The following RSRC1 variants were observed in gnomAD, a reference collection of about 807,000 sequenced individuals.
The protein encoded by RSRC1 is arginine and serine rich coiled-coil 1.
RSRC1 carries 39 observed loss-of-function variants against 49.1 expected under a neutral mutation model. The observed-to-expected ratio is 0.79, with a 90% CI of 0.61 to 1.04. The LOEUF (loss-of-function observed/expected upper bound fraction) is 1.04, where lower values mean the gene tolerates loss of function less well. Ranked by LOEUF, RSRC1 falls within the 50% of genes least tolerant of loss-of-function variation. The pLI is 0.00. For synonymous variants in RSRC1, 143 were observed against 130.8 expected (o/e 1.09, Z -0.63); for missense variants, 388 against 402.4 (o/e 0.96, Z 0.31).
chr3:158,259,975 GT>G (rs1449221205), intron 4 of RSRC1, among the ~76,000 whole-genome samples: 1 of 151,886 alleles, frequency 6.6e-6, no homozygotes, highest in Non-Finnish European at 1.5e-5. Flanking sequence ...CTTCAGGTAA[GT>G]TGGGTCCCCT....
At chr3:158,175,502 C>T (rs1719152256) in intron 3 of RSRC1, among the ~76,000 whole-genome samples, 1 of 151,664 alleles carries the variant, frequency 6.6e-6, no homozygotes, top group African/African-American at 2.4e-5. Flanking sequence ...TGATGTTCAT[C>T]CAGTTGACCC....
intron 6 of RSRC1, among the ~76,000 whole-genome samples, chr3:158,413,782 G>A (rs1734596935): frequency 6.6e-6 from 1 of 152,098 alleles, no homozygotes; most frequent in Admixed American, 6.5e-5. Flanking sequence ...AAACCACAAT[G>A]AGATACCATC....
At chr3:158,517,755 A>AT (rs766129663) in intron 7 of RSRC1, among the ~76,000 whole-genome samples, 1,075 of 35,054 alleles carry the variant, frequency 0.031, 198 homozygotes, top group Non-Finnish European at 0.042. Flanking sequence ...CACCCAGCTA[A>AT]TTTTTTTTTT....
chr3:158,274,962 C>G (rs7621674), intron 4 of RSRC1, among the ~76,000 whole-genome samples: 4 of 151,840 alleles, frequency 2.6e-5, no homozygotes, highest in African/African-American at 9.7e-5. Context: ...GTCAACTACT[C>G]CCCACCCCCC....
chr3:158,529,204 A>ATGTGTG (rs930396695), intron 7 of RSRC1, among the ~76,000 whole-genome samples: 2 of 133,768 alleles, frequency 1.5e-5, no homozygotes, highest in Non-Finnish European at 3.2e-5. Context: ...GTATATATGT[A>ATGTGTG]TGTGTGTGTG....
At chr3:158,473,437 C>T (rs1390372151) in intron 7 of RSRC1, among the ~76,000 whole-genome samples, 1 of 152,058 alleles carries the variant, frequency 6.6e-6, no homozygotes, top group Non-Finnish European at 1.5e-5. Flanking sequence ...ACTGCATGTT[C>T]TTACTCATAG....
At chr3:158,126,069 A>G (rs915986397) in intron 3 of RSRC1, among the ~76,000 whole-genome samples, 2 of 151,828 alleles carry the variant, frequency 1.3e-5, no homozygotes, top group Admixed American at 6.6e-5. Context: ...CATCTTTTTC[A>G]GTATATGTGT....
At chr3:158,326,308 G>A (rs552276099) in intron 5 of RSRC1, among the ~76,000 whole-genome samples, 60 of 152,174 alleles carry the variant, frequency 3.9e-4, no homozygotes, top group East Asian at 2.9e-3. Context: ...GTCTTGTGCC[G>A]GTTTTCAAAG....
chr3:158,416,537 C>T (rs2108330035), intron 6 of RSRC1, among the ~76,000 whole-genome samples: 1 of 152,162 alleles, frequency 6.6e-6, no homozygotes, highest in African/African-American at 2.4e-5. Flanking sequence ...GAATCCCCAA[C>T]TGACAGCCAA....
At chr3:158,515,103 T>A (rs1740438550) in intron 7 of RSRC1, among the ~76,000 whole-genome samples, 1 of 148,854 alleles carries the variant, frequency 6.7e-6, no homozygotes. Context: ...AATTGGAGCA[T>A]TTAGTCCATT....
intron 7 of RSRC1, among the ~76,000 whole-genome samples, chr3:158,501,132 G>A (rs1233232286): frequency 6.6e-6 from 1 of 152,138 alleles, no homozygotes; most frequent in Non-Finnish European, 1.5e-5. Flanking sequence ...GCTCATTCAG[G>A]AGCAGGTTAT....
intron 7 of RSRC1, among the ~76,000 whole-genome samples, chr3:158,513,715 G>A (rs1310495939): frequency 2.0e-5 from 3 of 152,192 alleles, no homozygotes; most frequent in African/African-American, 7.2e-5. Flanking sequence ...TTGTACCTCT[G>A]GTAGAATTCA....
At chr3:158,309,925 C>G (rs138023583) in intron 5 of RSRC1, among the ~76,000 whole-genome samples, 1 of 151,616 alleles carries the variant, frequency 6.6e-6, no homozygotes, top group Admixed American at 6.6e-5. Context: ...ATAAACTATT[C>G]TGTAGCATTT....
At chr3:158,406,939 C>T (rs921387602) in intron 6 of RSRC1, among the ~76,000 whole-genome samples, 8 of 151,928 alleles carry the variant, frequency 5.3e-5, no homozygotes, top group African/African-American at 1.9e-4. Context: ...TAAAGAAGAT[C>T]GATAGGGTGC....
At chr3:158,164,383 A>G (rs148611385) in intron 3 of RSRC1, among the ~76,000 whole-genome samples, 139 of 152,160 alleles carry the variant, frequency 9.1e-4, no homozygotes, top group African/African-American at 3.2e-3. Flanking sequence ...TGTTATTCAT[A>G]TAAAATTAAA....
At chr3:158,288,293 T>C (rs1185252206) in intron 4 of RSRC1, among the ~76,000 whole-genome samples, 2 of 152,168 alleles carry the variant, frequency 1.3e-5, no homozygotes, top group African/African-American at 4.8e-5. Context: ...TTTGAAATCT[T>C]TTCCAACCAC....
At chr3:158,363,614 GA>G (rs1420032775) in intron 6 of RSRC1, among the ~76,000 whole-genome samples, 2 of 152,284 alleles carry the variant, frequency 1.3e-5, no homozygotes, top group African/African-American at 4.8e-5. Context: ...ATGTTAGGCA[GA>G]AAGGCAATAG....
intron 3 of RSRC1, among the ~76,000 whole-genome samples, chr3:158,155,973 A>G (rs923909244): frequency 1.3e-5 from 2 of 152,146 alleles, no homozygotes; most frequent in Non-Finnish European, 2.9e-5. Context: ...CTCCTAATAA[A>G]AGAGTCTGCC....
At chr3:158,258,080 C>G (rs1190379269) in intron 4 of RSRC1, among the ~76,000 whole-genome samples, 4 of 151,932 alleles carry the variant, frequency 2.6e-5, no homozygotes, top group African/African-American at 9.7e-5. Context: ...GTTTACACAC[C>G]ACAGTTACAT....
Sources: allele counts gnomAD v4.1 joint callset (sites outside exome capture counted in the v4.1 genomes callset), GRCh38; gene constraint gnomAD v4.1.1; transcripts MANE v1.5; gene names NCBI Gene and HGNC (gene_info 2026-07-23, HGNC 2026-07-21).